Variants in YAP1 observed in about 807,000 individuals in gnomAD.
The protein encoded by YAP1 is Yes1 associated transcriptional regulator.
A neutral mutation model predicts 56.9 loss-of-function variants in YAP1; 5 were observed. The observed-to-expected ratio is 0.09, with a 90% CI of 0.05 to 0.18. YAP1 has a LOEUF of 0.18. Among genes scored for constraint, YAP1 ranks in the 10% least tolerant of loss-of-function variants. The pLI, the probability that YAP1 is intolerant of heterozygous loss-of-function variation, is 1.00. For missense variants in YAP1, 539 were observed against 651.8 expected, an observed-to-expected ratio of 0.83 and a Z score of 1.88; for synonymous variants, 265 against 248.1, an observed-to-expected ratio of 1.07 and a Z score of -0.64.
chr11:102,206,171 A>T (rs1410793701), intron 5 of YAP1, 97 bp downstream of exon 5: 2 of 1,430,424 alleles, frequency 1.4e-6, no homozygotes, highest in Non-Finnish European at 1.9e-6. Context: ...TTACAGAGGA[A>T]TGTTGTCTTT....
intron 3 of YAP1, among the ~76,000 whole-genome samples, chr11:102,178,448 A>G (rs985749585): frequency 6.6e-6 from 1 of 152,206 alleles, no homozygotes; most frequent in Non-Finnish European, 1.5e-5. Context: ...CTGTTTGAAT[A>G]GACATGGCAA....
At chr11:102,144,855 A>AAC (rs565769543) in intron 2 of YAP1, among the ~76,000 whole-genome samples, 2,501 of 100,994 alleles carry the variant, frequency 0.025, 40 homozygotes, top group African/African-American at 0.045. Context: ...CTTTGGCCAA[A>AAC]ACACACACAC....
intron 3 of YAP1, among the ~76,000 whole-genome samples, chr11:102,175,731 G>A (rs1947206279): frequency 6.6e-6 from 1 of 152,166 alleles, no homozygotes; most frequent in South Asian, 2.1e-4. Flanking sequence ...GTAACACAAT[G>A]GTAAGTATAT....
Position 102,133,860 on chromosome 11 carries a change from A to G in YAP1, c.572+19466A>G, listed in dbSNP as rs911281684. Among the ~76,000 whole-genome samples, 34 of 152,322 alleles carry G rather than the reference A, an allele frequency of 2.2e-4. No homozygotes were observed. The East Asian group carries it at 5.6e-3, about 25-fold the overall frequency. On this transcript the variant is annotated intron_variant, in intron 2 of 8. Transcript: ENST00000282441. ...GAAATTTATTTCTTATAGTTTTGGC[A>G]TGGTAGATTTCATCCTGAGGTCTCT...
At chr11:102,135,233 T>C (rs1168132951) in intron 2 of YAP1, among the ~76,000 whole-genome samples, 1 of 152,208 alleles carries the variant, frequency 6.6e-6, no homozygotes, top group Non-Finnish European at 1.5e-5. Context: ...AGTTTTACCA[T>C]CTACATGTGT....
chr11:102,181,981 C>T lies in YAP1; in HGVS notation c.689-4037C>T, dbSNP rs1378176571. On this transcript the variant is annotated intron_variant, in intron 3 of 8. Coordinates refer to ENST00000282441, the MANE Select transcript of YAP1 (RefSeq NM_001130145.3). ...GATTACAGGCCCTCACCACCACACC[C>T]GGCTAATTTTTTGTATTTTTAGTAG... Among the ~76,000 whole-genome samples the T allele has an allele frequency of 5.3e-5, 8 of 152,154 alleles. No individual in the cohort carries two copies. The South Asian group carries it at 6.2e-4, about 12-fold the overall frequency.
chr11:102,138,833 G>T (rs1481480859), intron 2 of YAP1, among the ~76,000 whole-genome samples: 11 of 152,164 alleles, frequency 7.2e-5, no homozygotes, highest in Admixed American at 7.2e-4. Flanking sequence ...ATAAAATAAT[G>T]CAGGAGGCGA....
At chr11:102,145,039 G>GA (rs933279196) in intron 2 of YAP1, among the ~76,000 whole-genome samples, 9 of 152,126 alleles carry the variant, frequency 5.9e-5, no homozygotes, top group African/African-American at 1.9e-4. Context: ...TTCTGGGTTT[G>GA]AAGTTTTACT....
At chr11:102,167,893 T>C (rs1317147536) in intron 3 of YAP1, among the ~76,000 whole-genome samples, 1 of 152,030 alleles carries the variant, frequency 6.6e-6, no homozygotes, top group East Asian at 1.9e-4. Context: ...AAAATAAAAA[T>C]TAGCCAGGCA....
At chr11:102,153,780 G>T (rs1397418428) in intron 2 of YAP1, among the ~76,000 whole-genome samples, 1 of 151,808 alleles carries the variant, frequency 6.6e-6, no homozygotes, top group Non-Finnish European at 1.5e-5. Context: ...TTCTTAGTGA[G>T]CTGCTAGGCA....
At chr11:102,125,354 A>T (rs1237907698) in intron 2 of YAP1, among the ~76,000 whole-genome samples, 28 of 80,172 alleles carry the variant, frequency 3.5e-4, no homozygotes, top group African/African-American at 7.5e-4. Context: ...GCTATTTCTC[A>T]TTCTTTTTTT....
At chr11:102,224,324 T>G (rs1565288114) in intron 7 of YAP1, among the ~76,000 whole-genome samples, 1 of 152,230 alleles carries the variant, frequency 6.6e-6, no homozygotes, top group Non-Finnish European at 1.5e-5. Flanking sequence ...AATCCTGGGT[T>G]TCAGACAGAT....
At position 102,110,806 on chromosome 11, in the gene YAP1, G is replaced by T; in HGVS notation, c.-43G>T. 1 of 1,315,740 alleles carries T rather than the reference G, an allele frequency of 7.6e-7. No individual in the cohort carries two copies. 81.5% of individuals were successfully genotyped at this position (1,315,740 alleles called of 1,614,324 possible). ...GCCGGGGCGTCCGGGCGTAGCCCTC[G>T]CTCGCCTGGGTCAGGGGGTGCGCGT... On this transcript the variant is annotated 5_prime_UTR_variant, in exon 1 of 9. Coordinates refer to ENST00000282441, the MANE Select transcript of YAP1 (RefSeq NM_001130145.3).
At position 102,145,814 on chromosome 11, in the gene YAP1, A is replaced by G. The variant is rs557653805; in HGVS notation, c.573-16642A>G. Among the ~76,000 whole-genome samples the G allele has an allele frequency of 3.3e-5, 5 of 152,310 alleles. No individual in the cohort carries two copies. The South Asian group carries it at 1.0e-3, about 32-fold the overall frequency. On this transcript the variant is annotated intron_variant, in intron 2 of 8. Coordinates refer to ENST00000282441, the MANE Select transcript of YAP1 (RefSeq NM_001130145.3). Reference sequence around the variant, plus strand: ...TTCTCAGATCCAAGATGCCTTATATATATTTCTACTTTCCTTACTCCTTTG... The same window carrying G: ...TTCTCAGATCCAAGATGCCTTATATGTATTTCTACTTTCCTTACTCCTTTG...
Position 102,162,617 on chromosome 11 carries a change from A to G in YAP1, c.688+46A>G, listed in dbSNP as rs200975277. 7 of 1,572,726 alleles carry G rather than the reference A, an allele frequency of 4.5e-6. No homozygotes were observed. In the African/African-American group the frequency reaches 5.4e-5, roughly 12 times the overall value. ...ACAGCACATGGAGTAATGCTTACGC[A>G]TTGGTAAAAGTTGATGTGGAAAATA... On this transcript the variant is annotated intron_variant, in intron 3 of 8. Coordinates refer to ENST00000282441, the MANE Select transcript of YAP1 (RefSeq NM_001130145.3).
intron 2 of YAP1, among the ~76,000 whole-genome samples, chr11:102,136,867 G>C (rs1348000360): frequency 1.3e-5 from 2 of 152,182 alleles, no homozygotes; most frequent in African/African-American, 2.4e-5. Flanking sequence ...GTCTGTCGCT[G>C]TGTCAGTAGC....
intron 2 of YAP1, among the ~76,000 whole-genome samples, chr11:102,156,287 G>T (rs760626334): frequency 6.6e-5 from 10 of 152,136 alleles, no homozygotes; most frequent in Non-Finnish European, 1.2e-4. Context: ...ATGTCTTACT[G>T]TATGTAAAGA....
rs151167777 is a variant in YAP1 at position 102,229,659 on chromosome 11, G to A, written c.1277-43G>A. On this transcript the variant is annotated intron_variant, in intron 8 of 8. Transcript: ENST00000282441. ...CTCATATGATACAGCCCTGATGTTAGCTTTTCAAAAAGGACTTTGTTATCT... is the reference window on the plus strand; with the variant it reads ...CTCATATGATACAGCCCTGATGTTAACTTTTCAAAAAGGACTTTGTTATCT... 189 of 1,582,476 alleles carry A rather than the reference G, an allele frequency of 1.2e-4. No homozygotes were observed. The African/African-American group carries it at 2.3e-3, about 20-fold the overall frequency.
intron 2 of YAP1, among the ~76,000 whole-genome samples, chr11:102,127,846 C>A (rs1944125202): frequency 6.6e-6 from 1 of 152,224 alleles, no homozygotes; most frequent in Admixed American, 6.5e-5. Flanking sequence ...CCATGGGAAT[C>A]CATCTCTTGT....
Sources: allele counts gnomAD v4.1 joint callset (sites outside exome capture counted in the v4.1 genomes callset), GRCh38; gene constraint gnomAD v4.1.1; transcripts MANE v1.5; gene names NCBI Gene and HGNC (gene_info 2026-07-23, HGNC 2026-07-21).